The following SPNS2 variants were observed in gnomAD, a reference collection of about 807,000 sequenced individuals.
The protein encoded by SPNS2 is SPNS lysolipid transporter 2, sphingosine-1-phosphate, also known as sphingosine-1-phosphate transporter SPNS2.
SPNS2 carries 37 observed loss-of-function variants against 57.6 expected under a neutral mutation model. The observed-to-expected ratio is 0.64, with a 90% CI of 0.49 to 0.85. SPNS2 has a LOEUF of 0.85. SPNS2 is among the 40% of genes least tolerant of loss of function. The pLI is 0.00. For missense variants in SPNS2, 831 were observed against 779.1 expected (o/e 1.07, Z -0.79); for synonymous variants, 440 against 346.9 (o/e 1.27, Z -2.98).
chr17:4,513,200 A>AC, intron 1 of SPNS2, 47 bp from the exon 2 acceptor site: 1 of 1,602,536 alleles, frequency 6.2e-7, no homozygotes, highest in South Asian at 1.1e-5. Flanking sequence ...CTGTGGGGAC[A>AC]CCAGCCATCA....
intron 1 of SPNS2, among the ~76,000 whole-genome samples, chr17:4,507,436 C>G (rs910303096): frequency 6.6e-6 from 1 of 152,220 alleles, no homozygotes; most frequent in Non-Finnish European, 1.5e-5. Flanking sequence ...ACATTTATGA[C>G]ATTTATTGAG....
chr17:4,537,029 CAG>C (rs1434814593), intron 12 of SPNS2, 83 bp downstream of exon 12: 26 of 1,452,402 alleles, frequency 1.8e-5, no homozygotes, highest in East Asian at 6.9e-5. Context: ...ACTTTTCCTC[CAG>C]AGTCACCTCC....
intron 1 of SPNS2, among the ~76,000 whole-genome samples, chr17:4,507,087 G>A (rs1307649860): frequency 1.3e-5 from 2 of 152,348 alleles, no homozygotes; most frequent in South Asian, 2.1e-4. Flanking sequence ...GGTGCCAGCG[G>A]GGCCGGGCTG....
intron 9 of SPNS2, among the ~76,000 whole-genome samples, chr17:4,534,677 C>T (rs1344440458): frequency 6.6e-6 from 1 of 152,152 alleles, no homozygotes; most frequent in Admixed American, 6.5e-5. Context: ...GTATCCGCTT[C>T]CCCCTGGGGT....
At chr17:4,518,638 TG>T (rs1905059060) in intron 2 of SPNS2, among the ~76,000 whole-genome samples, 1 of 152,182 alleles carries the variant, frequency 6.6e-6, no homozygotes, top group African/African-American at 2.4e-5. Flanking sequence ...GGCCGGGGTT[TG>T]TAGGCTCACG....
At chr17:4,506,852 C>A (rs1318773173) in intron 1 of SPNS2, among the ~76,000 whole-genome samples, 2 of 152,168 alleles carry the variant, frequency 1.3e-5, no homozygotes, top group Non-Finnish European at 2.9e-5. Context: ...GTAGAACAAA[C>A]CCAGTTGAGA....
intron 2 of SPNS2, among the ~76,000 whole-genome samples, chr17:4,524,110 C>T (rs1000084097): frequency 2.0e-5 from 3 of 152,152 alleles, no homozygotes; most frequent in African/African-American, 4.8e-5. Context: ...CTAGCAGGTG[C>T]GAAATCTGGA....
At chr17:4,518,407 CCGCTACTCGGG>C (rs1269778698) in intron 2 of SPNS2, among the ~76,000 whole-genome samples, 2 of 152,182 alleles carry the variant, frequency 1.3e-5, no homozygotes, top group Non-Finnish European at 2.9e-5. Context: ...GCCTGTAATC[CCGCTACTCGGG>C]AGACTGAGGC....
rs556197114 is a variant in SPNS2 at position 4,530,541 on chromosome 17, C to T, written c.574-91C>T. On this transcript the variant is annotated intron_variant, in intron 3 of 12. Transcript: ENST00000329078. Reference sequence around the variant, plus strand: ...ACCCTTCTCTCCCCTGGCTCCTGGGCCCTGCAGGGGGAGGGAGCAAAGTGG... The same window carrying T: ...ACCCTTCTCTCCCCTGGCTCCTGGGTCCTGCAGGGGGAGGGAGCAAAGTGG... The T allele has an allele frequency of 6.8e-6, 10 of 1,473,706 alleles. No homozygotes were observed. The East Asian group carries it at 2.1e-4, about 31-fold the overall frequency. The allele number at this position is 1,473,706 out of a possible 1,614,324, so 91.3% of individuals were successfully genotyped here.
At chr17:4,534,729 G>A (rs943168391) in intron 9 of SPNS2, among the ~76,000 whole-genome samples, 20 of 152,258 alleles carry the variant, frequency 1.3e-4, no homozygotes, top group Admixed American at 4.6e-4. Context: ...GGTGGTGGTG[G>A]GGAGGCCTGG....
intron 2 of SPNS2, among the ~76,000 whole-genome samples, chr17:4,514,067 G>A (rs924453319): frequency 2.0e-5 from 3 of 152,252 alleles, no homozygotes; most frequent in African/African-American, 7.2e-5. Flanking sequence ...TGTGGGAGCT[G>A]GGCCCTTGGC....
In SPNS2 at chr17:4,537,875, C is replaced by G. The variant is rs969275847; in HGVS notation, c.*427C>G. The G allele has an allele frequency of 6.7e-6, 3 of 450,560 alleles. No homozygotes were observed. Among genetic ancestry groups the G allele is most frequent in the Non-Finnish European group, 1.3e-5 (3 of 222,674 alleles). 27.9% of individuals were successfully genotyped at this position (450,560 alleles called of 1,614,324 possible). A position where few individuals can be genotyped will look rare whatever the true frequency, so the allele number is the denominator to read the frequency against. Reference sequence around the variant, plus strand: ...AGCACGATCTGCAGCTTTGAAGACTCAACAGACCCTGGACCATACGGAGAG... The same window carrying G: ...AGCACGATCTGCAGCTTTGAAGACTGAACAGACCCTGGACCATACGGAGAG... On this transcript the variant is annotated 3_prime_UTR_variant, in exon 13 of 13. Transcript: ENST00000329078.
intron 3 of SPNS2, among the ~76,000 whole-genome samples, chr17:4,528,053 G>A (rs761754229): frequency 6.6e-5 from 10 of 151,286 alleles, no homozygotes; most frequent in African/African-American, 1.9e-4. Flanking sequence ...ACGGAGTTTC[G>A]CTCTTGCTGC....
Position 4,536,432 on chromosome 17 carries a change from T to TGC in SPNS2, c.1607+7_1607+8insCG. ...CGCGCCAGGGCTGAGCAGCAGTGAG[T>TGC]GGGGGGGAGGGGAGGCCCTGCTGCA... On this transcript the variant is annotated splice_region_variant and intron_variant, in intron 11 of 12. Transcript: ENST00000329078. 8 of 1,578,354 alleles carry TGC rather than the reference T, an allele frequency of 5.1e-6. No homozygotes were observed. Among genetic ancestry groups the TGC allele is most frequent in the Non-Finnish European group, 6.8e-6 (8 of 1,172,596 alleles).
intron 2 of SPNS2, among the ~76,000 whole-genome samples, chr17:4,515,279 C>T (rs1004687584): frequency 8.5e-5 from 13 of 152,214 alleles, no homozygotes; most frequent in African/African-American, 2.2e-4. Context: ...AGTAACCCTA[C>T]GGGCTCTGTT....
chr17:4,537,461 G>A lies in SPNS2; in HGVS notation c.*13G>A, dbSNP rs1230699788. On this transcript the variant is annotated 3_prime_UTR_variant, in exon 13 of 13. Transcript: ENST00000329078. ...GACACCCCTTTCCCCAGGTGCCATT[G>A]GGACAATGAAGAACCCACACTCCCA... The A allele has an allele frequency of 1.3e-5, 6 of 452,640 alleles. No individual in the cohort carries two copies. The Admixed American group carries it at 1.4e-4, about 11-fold the overall frequency. The allele number at this position is 452,640 out of a possible 1,614,324, so 28.0% of individuals were successfully genotyped here.
intron 1 of SPNS2, 33 bp from the exon 2 acceptor site, chr17:4,513,214 T>G (rs769145341): frequency 1.2e-6 from 2 of 1,611,132 alleles, no homozygotes; most frequent in Non-Finnish European, 1.7e-6. Flanking sequence ...GCCATCAGAC[T>G]CGGCCAGTGA....
At position 4,536,373 on chromosome 17, in the gene SPNS2, C is replaced by T. The variant is rs745441185; in HGVS notation, c.1554C>T (p.Phe518=). The change falls in exon 11 of 13, where the codon TTC becomes TTT. Residue 518 remains phenylalanine (F), a synonymous_variant. Coordinates refer to ENST00000329078, the MANE Select transcript of SPNS2 (RefSeq NM_001124758.3). ...CPFVVVLGGM[F]FLATALFFVS... ...TCGTCGTGGTCCTGGGCGGCATGTT[C>T]TTCCTCGCCACTGCGCTCTTCTTCG... 10 of 1,609,162 alleles carry T rather than the reference C, an allele frequency of 6.2e-6. No individual in the cohort carries two copies. In the South Asian group the frequency reaches 8.8e-5, roughly 14 times the overall value.
intron 9 of SPNS2, chr17:4,534,573 C>A (rs888214963): frequency 4.6e-5 from 7 of 153,290 alleles, no homozygotes; most frequent in East Asian, 1.9e-4. Context: ...GGTTTGGGTG[C>A]CCCAGCATGG....
Sources: allele counts gnomAD v4.1 joint callset (sites outside exome capture counted in the v4.1 genomes callset), GRCh38; gene constraint gnomAD v4.1.1; transcripts MANE v1.5; gene names NCBI Gene and HGNC (gene_info 2026-07-23, HGNC 2026-07-21).